Variants in NUFIP1 observed in about 807,000 individuals in gnomAD.
NUFIP1 encodes the protein nuclear FMR1 interacting protein 1.
Under a neutral mutation model 56.2 loss-of-function variants are expected in NUFIP1, and 38 were observed. The observed-to-expected ratio is 0.68, with a 90% CI of 0.52 to 0.89. NUFIP1 has a LOEUF of 0.89. Among genes scored for constraint, NUFIP1 ranks in the 40% least tolerant of loss-of-function variants. The probability of loss-of-function intolerance (pLI) is 0.00; values close to 1 mark genes in which losing one functional copy is unlikely to be tolerated. For missense variants in NUFIP1, 567 were observed against 605.8 expected (o/e 0.94, Z 0.67); for synonymous variants, 215 against 212.4 (o/e 1.01, Z -0.10).
chr13:44,978,670 G>A (rs1872073905), intron 5 of NUFIP1, among the ~76,000 whole-genome samples: 1 of 152,112 alleles, frequency 6.6e-6, no homozygotes, highest in African/African-American at 2.4e-5. Context: ...ACAAGCACCT[G>A]TATCTCTTAT....
Position 44,988,652 on chromosome 13 carries a change from T to C in NUFIP1, c.412+373A>G, listed in dbSNP as rs570700725. 5.3e-5 allele frequency among the ~76,000 whole-genome samples: 8 copies of C among 152,336 alleles called. No homozygotes were observed. In the South Asian group the frequency reaches 6.2e-4, roughly 12 times the overall value. ...TGCTATATACCCAGATTCTGGTACA[T>C]AGTCGGAATTCAATAAATAACTGCT... is the stretch of plus-strand genomic sequence containing the variant. On this transcript the variant is annotated intron_variant, in intron 1 of 9. Transcript: ENST00000379161.
chr13:44,943,765 C>G (rs1870826740), intron 8 of NUFIP1, 91 bp from the exon 9 acceptor site: 2 of 913,536 alleles, frequency 2.2e-6, no homozygotes, highest in African/African-American at 1.7e-5. Flanking sequence ...CATAATAATC[C>G]TCCTAGCCAT....
Position 44,943,664 on chromosome 13 carries a change from G to C in NUFIP1, c.1149C>G (p.Ile383Met), listed in dbSNP as rs760402674. ...CTGCCAAAACGTCTGCTTCAGTCTT[G>C]ATGGGAGTTTCTAAGTGTGATGAAA... ...GSESEPEETPIKTEADVLAEN... is the reference protein window; with the variant it reads ...GSESEPEETPMKTEADVLAEN... Residue 383 changes from isoleucine to methionine, a missense_variant, in exon 9 of 10, where the codon ATC (isoleucine) becomes ATG (methionine). Coordinates refer to ENST00000379161, the MANE Select transcript of NUFIP1 (RefSeq NM_012345.3). The C allele has an allele frequency of 5.6e-6, 9 of 1,609,312 alleles. No homozygotes were observed. In the Admixed American group the frequency reaches 6.8e-5, roughly 12 times the overall value.
intron 3 of NUFIP1, 122 bp from the exon 4 acceptor site, chr13:44,980,074 T>C: frequency 1.6e-6 from 1 of 634,084 alleles, no homozygotes; most frequent in Non-Finnish European, 2.6e-6. Flanking sequence ...CTGTATAGTA[T>C]TATCTCTGCA....
chr13:44,958,765 A>G (rs1203953614), intron 7 of NUFIP1, among the ~76,000 whole-genome samples: 1 of 152,214 alleles, frequency 6.6e-6, no homozygotes. Context: ...TACACATTTC[A>G]TTTTTCAGGA....
rs763482936 is a variant in NUFIP1, at chr13:44,943,494, T to C, written c.1319A>G (p.Asn440Ser). 1.9e-6 allele frequency: 3 copies of C among 1,614,004 alleles called. No individual in the cohort carries two copies. The highest frequency in any genetic ancestry group is 3.3e-5 in the Admixed American group (2 of 60,002). Residue 440 changes from asparagine (N) to serine (S), a missense_variant, in exon 9 of 10, where the codon AAC becomes AGC. Physicochemically the swap from Asn to Ser is conservative, Grantham distance 46. Coordinates refer to ENST00000379161, the MANE Select transcript of NUFIP1 (RefSeq NM_012345.3). ...TCTTGGTTCGAATAACGTTTGATAG[T>C]TGTGATAATCTTTTTTCCTCTTAGG... The part of the protein sequence containing the change: ...TNPKRKKDYH[N>S]YQTLFEPRTH...
intron 6 of NUFIP1, among the ~76,000 whole-genome samples, chr13:44,965,502 T>C (rs1453061933): frequency 1.3e-5 from 2 of 152,160 alleles, no homozygotes; most frequent in African/African-American, 4.8e-5. Flanking sequence ...GAGACTATCC[T>C]GGCCAACATG....
chr13:44,950,554 C>A (rs1405788472), intron 7 of NUFIP1, among the ~76,000 whole-genome samples: 1 of 152,144 alleles, frequency 6.6e-6, no homozygotes, highest in Non-Finnish European at 1.5e-5. Context: ...ACCATGTTGG[C>A]CAGGCTGGTC....
chr13:44,945,150 G>GA (rs1331053525), intron 8 of NUFIP1, among the ~76,000 whole-genome samples: 2 of 151,598 alleles, frequency 1.3e-5, no homozygotes, highest in Admixed American at 6.6e-5. Flanking sequence ...GAGAAAAAGA[G>GA]AAAAAAATCA....
At chr13:44,977,803 CTT>C (rs2137921011) in intron 5 of NUFIP1, among the ~76,000 whole-genome samples, 1 of 152,282 alleles carries the variant, frequency 6.6e-6, no homozygotes, top group South Asian at 2.1e-4. Context: ...AATCCCAGCA[CTT>C]TGGGAGGCTG....
intron 6 of NUFIP1, among the ~76,000 whole-genome samples, chr13:44,961,612 A>G (rs1267923632): frequency 1.3e-5 from 2 of 152,220 alleles, no homozygotes; most frequent in Non-Finnish European, 2.9e-5. Context: ...GTATAGTCCA[A>G]ATTTTGCAGA....
chr13:44,941,031 T>G lies in NUFIP1; in HGVS notation c.*175A>C. 1 of 469,490 alleles carries G rather than the reference T, an allele frequency of 2.1e-6. No homozygotes were observed. The allele number at this position is 469,490 out of a possible 1,614,324, so 29.1% of individuals were successfully genotyped here. On this transcript the variant is annotated 3_prime_UTR_variant, in exon 10 of 10. Transcript: ENST00000379161. ...GACACAGTCTTAAAAAATCAGTTAT[T>G]TTTTTATTTGCATAGAACCAAAGGA...
At chr13:44,964,547 A>AG (rs1347918250) in intron 6 of NUFIP1, among the ~76,000 whole-genome samples, 4 of 152,188 alleles carry the variant, frequency 2.6e-5, no homozygotes, top group African/African-American at 9.7e-5. Flanking sequence ...GAATTGAGGA[A>AG]CTGGAGTTGA....
chr13:44,953,409 T>C (rs567306498), intron 7 of NUFIP1, among the ~76,000 whole-genome samples: 6 of 152,332 alleles, frequency 3.9e-5, no homozygotes, highest in African/African-American at 1.4e-4. Context: ...TAATGCTGAC[T>C]TGCTATTTCT....
chr13:44,984,387 T>G (rs1872308595), intron 1 of NUFIP1, among the ~76,000 whole-genome samples: 1 of 152,188 alleles, frequency 6.6e-6, no homozygotes, highest in Non-Finnish European at 1.5e-5. Context: ...ATTCCTGTAT[T>G]CCCAGTGCTT....
chr13:44,985,982 G>A (rs1188918752), intron 1 of NUFIP1, among the ~76,000 whole-genome samples: 1 of 152,006 alleles, frequency 6.6e-6, no homozygotes, highest in African/African-American at 2.4e-5. Context: ...TACTGAGAAA[G>A]GGTCTCACTG....
At position 44,982,142 on chromosome 13, in the gene NUFIP1, T is replaced by G. The variant is rs1034398003; in HGVS notation, c.425A>C (p.Tyr142Ser). Residue 142 changes from tyrosine to serine, a missense_variant, in exon 2 of 10, where the codon TAT (tyrosine) becomes TCT (serine). Tyr to Ser is a moderately radical substitution (Grantham distance 144). Coordinates refer to ENST00000379161, the MANE Select transcript of NUFIP1 (RefSeq NM_012345.3). ...TTTTGCATCATACTTTCGTGGATAA[T>G]AAGAATTTTTAACTAAAAAAAAAAA... is the stretch of plus-strand genomic sequence containing the variant. ...KSFNPAVKNS[Y>S]YPRKYDAKFT... The G allele has an allele frequency of 6.9e-7, 1 of 1,455,228 alleles. No individual in the cohort carries two copies. Among genetic ancestry groups the G allele is most frequent in the African/African-American group, 1.4e-5 (1 of 69,232 alleles). 90.1% of individuals were successfully genotyped at this position (1,455,228 alleles called of 1,614,324 possible).
At chr13:44,948,718 G>C (rs1430416505) in intron 8 of NUFIP1, among the ~76,000 whole-genome samples, 1 of 152,180 alleles carries the variant, frequency 6.6e-6, no homozygotes, top group East Asian at 1.9e-4. Context: ...CCTACTCATG[G>C]CTCTTTCAGG....
chr13:44,941,197 A>G lies in NUFIP1; in HGVS notation c.*9T>C. ...ATGCTTCAGTTATGTATGCTGAAACACCAGATGCCTATACATCTTTACTTT... is the reference window on the plus strand; with the variant it reads ...ATGCTTCAGTTATGTATGCTGAAACGCCAGATGCCTATACATCTTTACTTT... On this transcript the variant is annotated 3_prime_UTR_variant, in exon 10 of 10. Coordinates refer to ENST00000379161, the MANE Select transcript of NUFIP1 (RefSeq NM_012345.3). 7.3e-7 allele frequency: 1 copy of G among 1,378,694 alleles called. No homozygotes were observed. The highest frequency in any genetic ancestry group is 1.2e-5 in the South Asian group (1 of 83,334). 85.4% of individuals were successfully genotyped at this position (1,378,694 alleles called of 1,614,324 possible). A position where few individuals can be genotyped will look rare whatever the true frequency, so the allele number is the denominator to read the frequency against.
Sources: gnomAD v4.1 joint callset for allele counts (sites outside exome capture counted in the v4.1 genomes callset) on GRCh38, gnomAD v4.1.1 for gene constraint, MANE v1.5 for transcripts, NCBI Gene and HGNC (gene_info 2026-07-23, HGNC 2026-07-21) for gene names.